ASTN2: variants seen among roughly 807,000 people sequenced by gnomAD.
ASTN2 encodes astrotactin-2.
Under a neutral mutation model 139.8 loss-of-function variants are expected in ASTN2, and 54 were observed. The ratio of observed to expected loss-of-function variants is 0.39; its 90% CI spans 0.31 to 0.48. The LOEUF (loss-of-function observed/expected upper bound fraction) is 0.48. ASTN2 is among the 20% of genes least tolerant of loss of function. The pLI is 0.95. For missense variants in ASTN2, 1,565 were observed against 1,725.1 expected, an observed-to-expected ratio of 0.91 and a Z score of 1.64; for synonymous variants, 756 against 719.5, an observed-to-expected ratio of 1.05 and a Z score of -0.81.
intron 11 of ASTN2, 41 bp from the exon 12 acceptor site, chr9:116,820,824 G>A (rs1053219840): frequency 8.8e-6 from 14 of 1,582,246 alleles, no homozygotes; most frequent in Admixed American, 3.5e-5. Context: ...TGGCTTGGGA[G>A]GTTGTAGGCC....
At chr9:116,452,660 A>T (rs1302196275) in intron 20 of ASTN2, among the ~76,000 whole-genome samples, 5 of 152,238 alleles carry the variant, frequency 3.3e-5, no homozygotes, top group Admixed American at 1.3e-4. Context: ...ATTTGGATTG[A>T]CTTTCCCAAG....
At chr9:116,780,901 G>A (rs375772559) in intron 13 of ASTN2, among the ~76,000 whole-genome samples, 6 of 150,904 alleles carry the variant, frequency 4.0e-5, no homozygotes, top group Non-Finnish European at 8.8e-5. Flanking sequence ...GTGCAATGGC[G>A]CGATCTTGGC....
At chr9:116,955,492 T>C (rs1835681457) in intron 10 of ASTN2, among the ~76,000 whole-genome samples, 1 of 152,240 alleles carries the variant, frequency 6.6e-6, no homozygotes, top group Non-Finnish European at 1.5e-5. Context: ...AGTTAAGAGC[T>C]AGCCGATCCT....
At chr9:117,322,795 T>G (rs563128240) in intron 1 of ASTN2, among the ~76,000 whole-genome samples, 2 of 152,216 alleles carry the variant, frequency 1.3e-5, no homozygotes, top group East Asian at 3.9e-4. Flanking sequence ...CAGGCACAAG[T>G]TGGGCTGGAG....
intron 5 of ASTN2, among the ~76,000 whole-genome samples, chr9:117,072,186 G>A (rs554790934): frequency 2.0e-5 from 3 of 152,260 alleles, no homozygotes; most frequent in East Asian, 3.9e-4. Flanking sequence ...CCCCTAGTCC[G>A]TTTGCTGAGT....
At chr9:116,904,692 A>T (rs1442094758) in intron 10 of ASTN2, among the ~76,000 whole-genome samples, 2 of 152,254 alleles carry the variant, frequency 1.3e-5, no homozygotes, top group African/African-American at 4.8e-5. Flanking sequence ...AGTTATTATT[A>T]ATCCACCTGT....
chr9:116,997,911 AT>A (rs894820804), intron 7 of ASTN2, among the ~76,000 whole-genome samples: 9 of 152,154 alleles, frequency 5.9e-5, no homozygotes, highest in African/African-American at 2.2e-4. Context: ...TATTGGCTGT[AT>A]TTGGCTGTTG....
intron 17 of ASTN2, among the ~76,000 whole-genome samples, chr9:116,638,345 A>C (rs182463667): frequency 1.3e-5 from 2 of 152,324 alleles, no homozygotes; most frequent in Admixed American, 6.5e-5. Flanking sequence ...TAGTAAACAT[A>C]GGTGAGGGAA....
chr9:116,684,365 G>T (rs992681546), intron 16 of ASTN2, among the ~76,000 whole-genome samples: 1 of 152,172 alleles, frequency 6.6e-6, no homozygotes, highest in African/African-American at 2.4e-5. Context: ...TGGAGAGAGA[G>T]AAATTATGCT....
chr9:117,049,723 C>A (rs1223421950), intron 5 of ASTN2, among the ~76,000 whole-genome samples: 2 of 151,932 alleles, frequency 1.3e-5, no homozygotes, highest in East Asian at 1.9e-4. Context: ...TTCTTCTTCC[C>A]AAGTGTTAGA....
At chr9:117,060,379 A>G (rs1421552014) in intron 5 of ASTN2, among the ~76,000 whole-genome samples, 20 of 75,480 alleles carry the variant, frequency 2.6e-4, no homozygotes, top group African/African-American at 1.4e-3. Context: ...AGAAAGAAAG[A>G]AAGAAAGAAA....
At chr9:116,959,599 C>T (rs1188316089) in intron 10 of ASTN2, among the ~76,000 whole-genome samples, 1 of 152,064 alleles carries the variant, frequency 6.6e-6, no homozygotes, top group East Asian at 1.9e-4. Flanking sequence ...GAAATAGCTG[C>T]CGGGGGTCCA....
intron 19 of ASTN2, among the ~76,000 whole-genome samples, chr9:116,617,425 C>G (rs1245365177): frequency 6.6e-6 from 1 of 152,192 alleles, no homozygotes; most frequent in African/African-American, 2.4e-5. Flanking sequence ...GAGAAGGCAT[C>G]TTTCCTCTTG....
At chr9:116,942,061 T>A (rs760027423) in intron 10 of ASTN2, among the ~76,000 whole-genome samples, 1 of 147,836 alleles carries the variant, frequency 6.8e-6, no homozygotes, top group Non-Finnish European at 1.5e-5. Context: ...AAAATATGTA[T>A]GTGCATGCAA....
chr9:116,978,314 A>G (rs970313120), intron 7 of ASTN2, among the ~76,000 whole-genome samples: 2 of 152,206 alleles, frequency 1.3e-5, no homozygotes, highest in Non-Finnish European at 2.9e-5. Flanking sequence ...ACTGCCTAGA[A>G]TAGGGTCAGT....
chr9:116,689,492 A>AC (rs1167276330), intron 16 of ASTN2, among the ~76,000 whole-genome samples: 1 of 152,186 alleles, frequency 6.6e-6, no homozygotes, highest in Non-Finnish European at 1.5e-5. Flanking sequence ...ATTCAGTTTT[A>AC]CACATGAGGA....
At chr9:117,102,557 T>C (rs1829005421) in intron 4 of ASTN2, among the ~76,000 whole-genome samples, 1 of 152,190 alleles carries the variant, frequency 6.6e-6, no homozygotes, top group Non-Finnish European at 1.5e-5. Context: ...AGTTTCACTC[T>C]TGTTACCCAG....
At chr9:116,995,191 G>A (rs1836981221) in intron 7 of ASTN2, among the ~76,000 whole-genome samples, 1 of 152,176 alleles carries the variant, frequency 6.6e-6, no homozygotes, top group Non-Finnish European at 1.5e-5. Context: ...CAAGAGATCA[G>A]GAATCAGTGG....
Position 117,414,991 on chromosome 9 carries a change from A to C in ASTN2, c.-53T>G. On this transcript the variant is annotated 5_prime_UTR_variant, in exon 1 of 23. Transcript: ENST00000313400. This position sits in a 1 kb window ranked among gnomAD's most constrained non-coding sequence, Gnocchi z 4.2. ...GGCGGCGGCGGTGGCGGCGGTGGCG[A>C]AGGAGGAAGAGGAGGCAGCTGCGGA... 2 of 205,162 alleles carry C rather than the reference A, an allele frequency of 9.7e-6. No homozygotes were observed. Among genetic ancestry groups the C allele is most frequent in the Non-Finnish European group, 9.1e-6 (1 of 110,252 alleles). The allele number at this position is 205,162 out of a possible 1,614,324, so 12.7% of individuals were successfully genotyped here. A position where few individuals can be genotyped will look rare whatever the true frequency, so the allele number is the denominator to read the frequency against.
Sources: allele counts gnomAD v4.1 joint callset (sites outside exome capture counted in the v4.1 genomes callset), GRCh38; gene constraint gnomAD v4.1.1; non-coding constraint Gnocchi (gnomAD v3.1); transcripts MANE v1.5; gene names NCBI Gene and HGNC (gene_info 2026-07-23, HGNC 2026-07-21).